ACOT9: variants seen among roughly 807,000 people sequenced by gnomAD.
ACOT9 encodes acyl-CoA thioesterase 9.
In ACOT9, 34 loss-of-function variants were observed where a neutral mutation model predicts 39.7. The observed-to-expected ratio is 0.86, with a 90% CI of 0.65 to 1.14. The LOEUF (loss-of-function observed/expected upper bound fraction) is 1.14. ACOT9 is among the 50% of genes most tolerant of loss of function. The pLI, the probability that ACOT9 is intolerant of heterozygous loss-of-function variation, is 0.00. For synonymous variants in ACOT9, 110 were observed against 120.5 expected (o/e 0.91, Z 0.57); for missense variants, 313 against 344.1 (o/e 0.91, Z 0.71).
chrX:23,710,949 C>G (rs1928872520), intron 9 of ACOT9, among the ~76,000 whole-genome samples: 1 of 110,300 alleles, frequency 9.1e-6, no homozygotes, highest in African/African-American at 3.3e-5. Context: ...TGCAGTGAGC[C>G]ATGCTCATGA....
At position 23,739,103 on chromosome X, in the gene ACOT9, T is replaced by A. The variant is rs548437128; in HGVS notation, c.21-3087A>T. ...TGAAACCCCGTCTCTACTAAAAATATGAAAATTAGCTGGGCATGCTGGCGG... is the reference window on the plus strand; with the variant it reads ...TGAAACCCCGTCTCTACTAAAAATAAGAAAATTAGCTGGGCATGCTGGCGG... On this transcript the variant is annotated intron_variant, in intron 1 of 15. Transcript: ENST00000379303. 2.7e-5 allele frequency among the ~76,000 whole-genome samples: 3 copies of A among 111,409 alleles called. No homozygotes were observed. In the East Asian group the frequency reaches 8.5e-4, roughly 32 times the overall value.
At chrX:23,726,564 A>C (rs938128007) in intron 6 of ACOT9, among the ~76,000 whole-genome samples, 2 of 112,047 alleles carry the variant, frequency 1.8e-5, no homozygotes, top group Non-Finnish European at 3.8e-5. Flanking sequence ...GTTAGCATAA[A>C]GAGGCAATGA....
chrX:23,723,314 A>C (rs760590178), intron 6 of ACOT9, among the ~76,000 whole-genome samples: 1 of 111,567 alleles, frequency 9.0e-6, no homozygotes, highest in East Asian at 2.8e-4. Context: ...AACTCATTTA[A>C]AGTCGTATAA....
At chrX:23,705,200 G>C (rs1220825186) in intron 13 of ACOT9, 120 bp from the exon 14 acceptor site, 1 of 665,833 alleles carries the variant, frequency 1.5e-6, no homozygotes, top group African/African-American at 2.2e-5. Flanking sequence ...TAGAGAAGGG[G>C]GAAAAGATCC....
At chrX:23,740,626 C>T (rs1930103098) in intron 1 of ACOT9, among the ~76,000 whole-genome samples, 1 of 108,188 alleles carries the variant, frequency 9.2e-6, no homozygotes, top group East Asian at 2.9e-4. Flanking sequence ...AACTGAGGCC[C>T]CAGTTTCAGA....
At chrX:23,726,125 G>A (rs1008099666) in intron 6 of ACOT9, among the ~76,000 whole-genome samples, 5 of 109,339 alleles carry the variant, frequency 4.6e-5, no homozygotes, top group African/African-American at 1.3e-4. Flanking sequence ...CCTTGAACCC[G>A]GGAGATGGAG....
intron 1 of ACOT9, among the ~76,000 whole-genome samples, chrX:23,737,894 A>T (rs1929996908): frequency 2.0e-5 from 2 of 99,316 alleles, no homozygotes; most frequent in South Asian, 4.7e-4. Context: ...TTTTAGACAG[A>T]GTCTCGCTCT....
In ACOT9 at chrX:23,703,802, A is replaced by C. The variant is rs1248312618; in HGVS notation, c.*92T>G. On this transcript the variant is annotated 3_prime_UTR_variant, in exon 16 of 16. Coordinates refer to ENST00000379303, the MANE Select transcript of ACOT9 (RefSeq NM_001037171.2). ...ATCCTCCTCCTGTGTGGAGGACACG[A>C]AGCAATACTAAAATCAATACACTCG... The C allele has an allele frequency of 9.7e-6, 7 of 724,143 alleles. No homozygotes were observed. The Admixed American group carries it at 1.9e-4, about 19-fold the overall frequency. The allele number at this position is 724,143 out of a possible 1,213,427, so 59.7% of individuals were successfully genotyped here. A position where few individuals can be genotyped will look rare whatever the true frequency, so the allele number is the denominator to read the frequency against.
chrX:23,722,013 A>C (rs764032856), intron 7 of ACOT9, 29 bp from the exon 8 acceptor site: 1 of 1,057,711 alleles, frequency 9.5e-7, no homozygotes, highest in East Asian at 3.2e-5. Context: ...TCAGGGTCCA[A>C]GTCATACCAA....
intron 6 of ACOT9, among the ~76,000 whole-genome samples, chrX:23,726,231 A>G (rs1418711769): frequency 8.9e-6 from 1 of 111,815 alleles, no homozygotes; most frequent in Non-Finnish European, 1.9e-5. Flanking sequence ...ATAAAATAAA[A>G]TAAATTCAAA....
intron 8 of ACOT9, 85 bp from the exon 9 acceptor site, chrX:23,713,293 G>A (rs1193608359): frequency 1.3e-6 from 1 of 787,327 alleles, no homozygotes; most frequent in Non-Finnish European, 1.9e-6. Flanking sequence ...CGGTATGTAT[G>A]CTGGCCAGGT....
intron 6 of ACOT9, among the ~76,000 whole-genome samples, chrX:23,729,822 G>A (rs1322971480): frequency 2.7e-5 from 3 of 110,124 alleles, no homozygotes; most frequent in Non-Finnish European, 5.7e-5. Context: ...TAGTAGAGAT[G>A]GGGTTTCACC....
chrX:23,704,560 A>G lies in ACOT9; in HGVS notation c.1258+134T>C, dbSNP rs1199237258. 8.7e-6 allele frequency: 7 copies of G among 806,244 alleles called. No homozygotes were observed. In the Admixed American group the frequency reaches 2.2e-4, roughly 26 times the overall value. 66.4% of individuals were successfully genotyped at this position (806,244 alleles called of 1,213,427 possible). A position where few individuals can be genotyped will look rare whatever the true frequency, so the allele number is the denominator to read the frequency against. On this transcript the variant is annotated intron_variant, in intron 15 of 15. Transcript: ENST00000379303. ...CATCTTTGGCCTTCAGGGCTGCCAA[A>G]TCTCAAAAGCAAAATCTCCTGAAGA...
Position 23,721,962 on chromosome X carries a change from G to A in ACOT9, c.507C>T (p.Ser169=). Residue 169 remains serine, a synonymous_variant, in exon 8 of 16, where the codon AGC becomes AGT. Transcript: ENST00000379303. ...DKIDMCKKSL[S]PEQDIKFSGH... ...CACTGAACTTAATGTCCTGTTCTGG[G>A]CTCAAGCTCTTCTTACACATATCTG... The A allele has an allele frequency of 7.4e-6, 9 of 1,208,406 alleles. No individual in the cohort carries two copies. The highest frequency in any genetic ancestry group is 1.0e-5 in the Non-Finnish European group (9 of 893,582).
At chrX:23,719,007 C>T (rs990812299) in intron 8 of ACOT9, among the ~76,000 whole-genome samples, 1 of 110,663 alleles carries the variant, frequency 9.0e-6, no homozygotes. Context: ...CGGTGGCTCA[C>T]GCCTGAAATC....
At chrX:23,740,432 T>C (rs918079859) in intron 1 of ACOT9, among the ~76,000 whole-genome samples, 10 of 110,875 alleles carry the variant, frequency 9.0e-5, no homozygotes, top group African/African-American at 3.3e-4. Context: ...TCACTACATT[T>C]GGTATCCTAT....
At chrX:23,733,064 T>G in intron 4 of ACOT9, 108 bp downstream of exon 4, 1 of 739,162 alleles carries the variant, frequency 1.4e-6, no homozygotes, top group Non-Finnish European at 2.0e-6. Flanking sequence ...AACCTATCTC[T>G]GAACATAGGG....
Position 23,704,804 on chromosome X carries a change from T to G in ACOT9, c.1148A>C (p.His383Pro), listed in dbSNP as rs761324862. The change falls in exon 15 of 16, where the codon CAC (histidine) becomes CCC (proline). Residue 383 changes from histidine to proline, a missense_variant. His to Pro is a moderately conservative substitution (Grantham distance 77). Transcript: ENST00000379303. ...TQNNYIQVRV[H>P]SEVASLQEKQ... ...CTCCTGCAGGGAGGCCACTTCACTGTGTACTCTGACTTGAATATAATTATT... is the reference window on the plus strand; with the variant it reads ...CTCCTGCAGGGAGGCCACTTCACTGGGTACTCTGACTTGAATATAATTATT... The G allele has an allele frequency of 2.5e-6, 3 of 1,209,570 alleles. No individual in the cohort carries two copies.
At chrX:23,735,240 C>CAAA (rs35950361) in intron 2 of ACOT9, among the ~76,000 whole-genome samples, 15 of 29,161 alleles carry the variant, frequency 5.1e-4, no homozygotes, top group Non-Finnish European at 6.4e-4. Flanking sequence ...GACTCCATCC[C>CAAA]AAAAAAAAAA....
Sources: allele counts gnomAD v4.1 joint callset (sites outside exome capture counted in the v4.1 genomes callset), GRCh38; gene constraint gnomAD v4.1.1; transcripts MANE v1.5; gene names NCBI Gene and HGNC (gene_info 2026-07-23, HGNC 2026-07-21).